TBC1D5: variants seen among roughly 807,000 people sequenced by gnomAD.
The protein encoded by TBC1D5 is TBC1 domain family, member 5.
A neutral mutation model predicts 100.3 loss-of-function variants in TBC1D5; 75 were observed. The observed-to-expected ratio is 0.75, with a 90% confidence interval of 0.62 to 0.91. The LOEUF (loss-of-function observed/expected upper bound fraction) is 0.91. Among genes scored for constraint, TBC1D5 ranks in the 40% least tolerant of loss-of-function variants. The pLI, the probability that TBC1D5 is intolerant of heterozygous loss-of-function variation, is 0.00. For synonymous variants in TBC1D5, 323 were observed against 325.6 expected (o/e 0.99, Z 0.09); for missense variants, 910 against 942.4 (o/e 0.97, Z 0.45).
In TBC1D5 at chr3:17,587,883, T is replaced by C. The variant is rs554804770; in HGVS notation, c.-36+35966A>G. On this transcript the variant is annotated intron_variant, in intron 2 of 21. Transcript: ENST00000253692. ...TTGTAAAAATACAGACCATTTTTAT[T>C]CTCTTTGGATGCCTGTTTAGAATAA... Among the ~76,000 whole-genome samples the C allele has an allele frequency of 2.6e-5, 4 of 152,130 alleles. No individual in the cohort carries two copies. The South Asian group carries it at 8.3e-4, about 32-fold the overall frequency.
intron 3 of TBC1D5, among the ~76,000 whole-genome samples, chr3:17,480,019 G>A (rs767090898): frequency 6.6e-6 from 1 of 152,246 alleles, no homozygotes; most frequent in Non-Finnish European, 1.5e-5. Flanking sequence ...GCCTGATCCT[G>A]TGGCCTGGCC....
At chr3:17,565,307 T>C (rs1033955109) in intron 2 of TBC1D5, among the ~76,000 whole-genome samples, 1 of 152,168 alleles carries the variant, frequency 6.6e-6, no homozygotes, top group African/African-American at 2.4e-5. Flanking sequence ...ATCAGTTAAT[T>C]ATGTTCGTTG....
chr3:17,687,679 T>C (rs1372324627), intron 1 of TBC1D5, among the ~76,000 whole-genome samples: 2 of 152,194 alleles, frequency 1.3e-5, no homozygotes, highest in African/African-American at 2.4e-5. Context: ...GCTATGAGAA[T>C]TGCAGCTAAT....
At chr3:17,383,948 A>G in exon 9 of TBC1D5, 1 of 1,602,676 alleles carries the variant, frequency 6.2e-7, no homozygotes, top group Admixed American at 1.7e-5. Context: ...TCTCTGGCAT[A>G]ACAGAAAAGA....
At chr3:17,224,748 C>T (rs1012214230) in intron 17 of TBC1D5, among the ~76,000 whole-genome samples, 7 of 152,128 alleles carry the variant, frequency 4.6e-5, no homozygotes, top group Admixed American at 1.3e-4. Flanking sequence ...AATTAAACAT[C>T]CAGAAAGAAT....
intron 3 of TBC1D5, among the ~76,000 whole-genome samples, chr3:17,435,707 C>T (rs972212605): frequency 2.6e-5 from 4 of 152,094 alleles, no homozygotes; most frequent in African/African-American, 4.8e-5. Context: ...CAGATGCCTG[C>T]GGCAAAAGAC....
intron 16 of TBC1D5, among the ~76,000 whole-genome samples, chr3:17,255,257 G>T (rs1025248172): frequency 6.6e-6 from 1 of 152,170 alleles, no homozygotes; most frequent in African/African-American, 2.4e-5. Context: ...CTGGAATGCA[G>T]TGGCACGATC....
intron 8 of TBC1D5, among the ~76,000 whole-genome samples, chr3:17,395,089 A>G (rs1247188003): frequency 6.6e-6 from 1 of 152,070 alleles, no homozygotes; most frequent in Non-Finnish European, 1.5e-5. Context: ...GCAAAAACAA[A>G]AAGGAGGGGC....
At chr3:17,420,607 C>A (rs1014680677) in intron 4 of TBC1D5, among the ~76,000 whole-genome samples, 1 of 152,082 alleles carries the variant, frequency 6.6e-6, no homozygotes, top group Admixed American at 6.5e-5. Context: ...ATTTTTAAGT[C>A]TATTTTTGAA....
chr3:17,307,427 A>G (rs2083505090), intron 14 of TBC1D5, among the ~76,000 whole-genome samples: 1 of 152,242 alleles, frequency 6.6e-6, no homozygotes, highest in Non-Finnish European at 1.5e-5. Context: ...AGGGCTAGAC[A>G]CTGGCTTTCC....
chr3:17,544,223 G>T (rs1439523308), intron 2 of TBC1D5, among the ~76,000 whole-genome samples: 2 of 152,146 alleles, frequency 1.3e-5, no homozygotes, highest in South Asian at 4.2e-4. Flanking sequence ...CTGAACCGGG[G>T]GCCACACTTT....
chr3:17,639,505 T>A (rs1446759841), intron 1 of TBC1D5, among the ~76,000 whole-genome samples: 1 of 150,758 alleles, frequency 6.6e-6, no homozygotes, highest in Non-Finnish European at 1.5e-5. Flanking sequence ...CTTGAAAAGA[T>A]GAATCATACC....
chr3:17,333,285 T>TATAC (rs1418126023), intron 13 of TBC1D5: 3 of 152,250 alleles, frequency 2.0e-5, no homozygotes, highest in African/African-American at 7.2e-5. Context: ...ATAAAGTTTT[T>TATAC]ATACATATAC....
chr3:17,589,241 T>C (rs1319714664), intron 2 of TBC1D5, among the ~76,000 whole-genome samples: 1 of 152,238 alleles, frequency 6.6e-6, no homozygotes, highest in Non-Finnish European at 1.5e-5. Flanking sequence ...TCTCAAGCTC[T>C]TGGCTTCAAG....
intron 16 of TBC1D5, among the ~76,000 whole-genome samples, chr3:17,256,142 T>C (rs1332698298): frequency 6.6e-6 from 1 of 152,154 alleles, no homozygotes; most frequent in African/African-American, 2.4e-5. Flanking sequence ...ATTTTTATGT[T>C]TGCTTGTTTC....
At chr3:17,623,039 C>T (rs766364510) in intron 2 of TBC1D5, among the ~76,000 whole-genome samples, 1 of 152,158 alleles carries the variant, frequency 6.6e-6, no homozygotes, top group African/African-American at 2.4e-5. Flanking sequence ...TGTGAGTTTC[C>T]ACTTCCTCTC....
At chr3:17,297,003 G>A (rs1044972381) in intron 14 of TBC1D5, among the ~76,000 whole-genome samples, 42 of 152,146 alleles carry the variant, frequency 2.8e-4, no homozygotes, top group African/African-American at 8.7e-4. Context: ...AATAACATAA[G>A]AGATCTTTAC....
At chr3:17,492,791 T>C (rs1211542966) in intron 3 of TBC1D5, among the ~76,000 whole-genome samples, 1 of 152,238 alleles carries the variant, frequency 6.6e-6, no homozygotes, top group Non-Finnish European at 1.5e-5. Flanking sequence ...TGGTACATTG[T>C]CTCTTTTCTC....
At chr3:17,220,616 A>C (rs1040480818) in intron 17 of TBC1D5, among the ~76,000 whole-genome samples, 2 of 152,120 alleles carry the variant, frequency 1.3e-5, no homozygotes, top group Non-Finnish European at 1.5e-5. Flanking sequence ...ATAGTGGAAT[A>C]TAATTTAGGT....
Sources: allele counts gnomAD v4.1 joint callset (sites outside exome capture counted in the v4.1 genomes callset), GRCh38; gene constraint gnomAD v4.1.1; transcripts MANE v1.5; gene names NCBI Gene and HGNC (gene_info 2026-07-23, HGNC 2026-07-21).